The following MIPOL1 variants were observed in gnomAD, a reference collection of about 807,000 sequenced individuals.
MIPOL1 encodes the protein mirror-image polydactyly 1, also known as mirror-image polydactyly gene 1 protein.
MIPOL1 carries 57 observed loss-of-function variants against 60.9 expected under a neutral mutation model. That is an observed-to-expected ratio of 0.94 (90% CI 0.76 to 1.17). The LOEUF (loss-of-function observed/expected upper bound fraction) is 1.17. Ranked by LOEUF, MIPOL1 falls within the 50% of genes most tolerant of loss-of-function variation. The probability of loss-of-function intolerance (pLI) is 0.00; values close to 1 mark genes in which losing one functional copy is unlikely to be tolerated. For synonymous variants in MIPOL1, 179 were observed against 168.8 expected, an observed-to-expected ratio of 1.06 and a Z score of -0.47; for missense variants, 551 against 511.6, an observed-to-expected ratio of 1.08 and a Z score of -0.74.
At chr14:37,408,219 G>A (rs2093625088) in intron 10 of MIPOL1, among the ~76,000 whole-genome samples, 1 of 151,960 alleles carries the variant, frequency 6.6e-6, no homozygotes. Flanking sequence ...AATATTATTA[G>A]AGTGATTATA....
chr14:37,403,235 A>G (rs181971044), intron 10 of MIPOL1, among the ~76,000 whole-genome samples: 5 of 152,288 alleles, frequency 3.3e-5, no homozygotes, highest in Admixed American at 2.0e-4. Flanking sequence ...GTTAGCTTCT[A>G]TATATCAGAG....
chr14:37,298,573 A>G (rs2086018532), intron 7 of MIPOL1, among the ~76,000 whole-genome samples: 1 of 152,254 alleles, frequency 6.6e-6, no homozygotes, highest in Non-Finnish European at 1.5e-5. Context: ...GCTAATATCC[A>G]GAATCTACAA....
intron 1 of MIPOL1, among the ~76,000 whole-genome samples, chr14:37,221,988 T>A (rs1206582849): frequency 1.3e-5 from 2 of 151,680 alleles, no homozygotes; most frequent in African/African-American, 2.4e-5. Context: ...GAAAAATAAA[T>A]AAATAAATAA....
At chr14:37,306,161 T>G (rs1363704486) in intron 7 of MIPOL1, among the ~76,000 whole-genome samples, 1 of 151,862 alleles carries the variant, frequency 6.6e-6, no homozygotes, top group Non-Finnish European at 1.5e-5. Context: ...AGCTGTTAAT[T>G]TAAAACGTTT....
intron 12 of MIPOL1, chr14:37,545,625 C>T: frequency 1.6e-6 from 1 of 629,758 alleles, no homozygotes. Flanking sequence ...TTTTGATGCA[C>T]TGAATAATTT....
intron 9 of MIPOL1, among the ~76,000 whole-genome samples, chr14:37,354,583 G>T (rs28886006): frequency 0.94 from 41,641 of 44,372 alleles, 19,574 homozygotes; most frequent in East Asian, 0.99. Context: ...TTATGAATCT[G>T]GGTGCTCCTG....
intron 6 of MIPOL1, among the ~76,000 whole-genome samples, chr14:37,283,170 A>G (rs1461735381): frequency 6.6e-6 from 1 of 152,046 alleles, no homozygotes; most frequent in Non-Finnish European, 1.5e-5. Context: ...GGTTCAAGCG[A>G]TTCTCCTGCC....
intron 9 of MIPOL1, among the ~76,000 whole-genome samples, chr14:37,341,679 A>T (rs969836360): frequency 2.0e-5 from 3 of 152,174 alleles, no homozygotes; most frequent in Admixed American, 6.5e-5. Flanking sequence ...ACCTGGCCTC[A>T]CGTGATCCCT....
At chr14:37,416,996 T>G (rs1161477838) in intron 10 of MIPOL1, among the ~76,000 whole-genome samples, 1 of 152,174 alleles carries the variant, frequency 6.6e-6, no homozygotes, top group Admixed American at 6.5e-5. Flanking sequence ...AGATTTTAAC[T>G]TAGTTCTTCC....
intron 11 of MIPOL1, among the ~76,000 whole-genome samples, chr14:37,494,686 T>C (rs964063857): frequency 2.0e-5 from 3 of 152,128 alleles, no homozygotes; most frequent in African/African-American, 7.2e-5. Context: ...TTTGTATCAG[T>C]AAAAAAAGGA....
At chr14:37,551,345 T>G (rs1295398639), downstream of MIPOL1, 2 of 152,176 alleles carry the variant, frequency 1.3e-5, no homozygotes, top group Non-Finnish European at 2.9e-5. Context: ...AGATATGCAC[T>G]ATAAAATATA....
chr14:37,288,860 C>G (rs929524599), intron 7 of MIPOL1, among the ~76,000 whole-genome samples: 2 of 151,956 alleles, frequency 1.3e-5, no homozygotes, highest in Admixed American at 6.6e-5. Flanking sequence ...TGATTGCAGT[C>G]TCGTTTTCAT....
At chr14:37,332,864 A>G (rs1228902322) in intron 9 of MIPOL1, among the ~76,000 whole-genome samples, 1 of 152,196 alleles carries the variant, frequency 6.6e-6, no homozygotes, top group East Asian at 1.9e-4. Flanking sequence ...GACGAAAAAT[A>G]CGTGAGAACT....
intron 9 of MIPOL1, among the ~76,000 whole-genome samples, chr14:37,355,976 A>C (rs1028636036): frequency 6.9e-6 from 1 of 144,144 alleles, no homozygotes; most frequent in African/African-American, 2.5e-5. Context: ...GGAGGAGGAG[A>C]GGCGCTCTGC....
rs375206295 is a variant in MIPOL1 at position 37,293,749 on chromosome 14, C to T, written c.623+8302C>T. On this transcript the variant is annotated intron_variant, in intron 7 of 12. Coordinates refer to ENST00000684589, the MANE Select transcript of MIPOL1 (RefSeq NM_001388067.1). Reference sequence around the variant, plus strand: ...CTGAGATCAAACTGCAAGGTGGCAGCGAGGCTTTGGTGGGGGGTGCCCGCC... The same window carrying T: ...CTGAGATCAAACTGCAAGGTGGCAGTGAGGCTTTGGTGGGGGGTGCCCGCC... Among the ~76,000 whole-genome samples, 33 of 152,238 alleles carry T rather than the reference C, an allele frequency of 2.2e-4. 1 individual carries two copies. In the East Asian group the frequency reaches 3.7e-3, roughly 17 times the overall value.
At chr14:37,332,304 T>C (rs2089762444) in intron 9 of MIPOL1, among the ~76,000 whole-genome samples, 3 of 152,186 alleles carry the variant, frequency 2.0e-5, no homozygotes, top group Admixed American at 1.3e-4. Context: ...TTTTGAAATA[T>C]ATTGAAATGA....
rs574918116 is a variant in MIPOL1 at position 37,533,105 on chromosome 14, C to T, written c.1263-13800C>T. 7.2e-5 allele frequency among the ~76,000 whole-genome samples: 11 copies of T among 152,156 alleles called. No homozygotes were observed. The South Asian group carries it at 2.3e-3, about 32-fold the overall frequency. On this transcript the variant is annotated intron_variant, in intron 12 of 12. Transcript: ENST00000684589. ...AGTCTATGATGAGTATGCATCATAA[C>T]AATTTCAGAGCCATCTGCCTTTTCA...
intron 3 of MIPOL1, among the ~76,000 whole-genome samples, chr14:37,254,745 C>T (rs1974650326): frequency 6.6e-6 from 1 of 151,716 alleles, no homozygotes; most frequent in Non-Finnish European, 1.5e-5. Context: ...CTGTACTCTT[C>T]ATGCAGAATT....
At chr14:37,216,523 A>G (rs771414946) in intron 1 of MIPOL1, among the ~76,000 whole-genome samples, 10 of 152,240 alleles carry the variant, frequency 6.6e-5, no homozygotes, top group Non-Finnish European at 1.5e-4. Context: ...TGGATAGACC[A>G]TATGTTAGTT....
Sources: allele counts gnomAD v4.1 joint callset (sites outside exome capture counted in the v4.1 genomes callset), GRCh38; gene constraint gnomAD v4.1.1; transcripts MANE v1.5; gene names NCBI Gene and HGNC (gene_info 2026-07-23, HGNC 2026-07-21).